Variants in MAMLD1 observed in about 807,000 individuals in gnomAD.
MAMLD1 encodes mastermind-like domain-containing protein 1.
MAMLD1 carries 14 observed loss-of-function variants against 45.0 expected under a neutral mutation model. That is an observed-to-expected ratio of 0.31 (90% CI 0.21 to 0.49). The LOEUF is 0.49. Among genes scored for constraint, MAMLD1 ranks in the 20% least tolerant of loss-of-function variants. The pLI, the probability that MAMLD1 is intolerant of heterozygous loss-of-function variation, is 0.99. For synonymous variants in MAMLD1, 254 were observed against 247.8 expected, an observed-to-expected ratio of 1.02 and a Z score of -0.24; for missense variants, 543 against 603.6, an observed-to-expected ratio of 0.90 and a Z score of 1.05.
At chrX:150,420,842 G>T (rs2034472691) in intron 1 of MAMLD1, among the ~76,000 whole-genome samples, 1 of 112,240 alleles carries the variant, frequency 8.9e-6, no homozygotes, top group Admixed American at 9.4e-5. Flanking sequence ...TCTCTTCAAA[G>T]CTGTCAGACA....
At chrX:150,392,892 C>A (rs1178856283) in intron 1 of MAMLD1, among the ~76,000 whole-genome samples, 2 of 110,700 alleles carry the variant, frequency 1.8e-5, no homozygotes, top group Non-Finnish European at 3.8e-5. Context: ...CCCCCTCCCC[C>A]ATTACCTGCA....
At chrX:150,442,239 A>G (rs1031853451) in intron 1 of MAMLD1, among the ~76,000 whole-genome samples, 1 of 111,001 alleles carries the variant, frequency 9.0e-6, no homozygotes, top group Non-Finnish European at 1.9e-5. Context: ...TTCTTTGCCA[A>G]TCTCTGTCTT....
chrX:150,483,992 A>G (rs1198071305), intron 5 of MAMLD1, among the ~76,000 whole-genome samples: 2 of 112,435 alleles, frequency 1.8e-5, no homozygotes, highest in East Asian at 5.5e-4. Flanking sequence ...GATTTTGGTC[A>G]GTTCTGAGAG....
intron 1 of MAMLD1, among the ~76,000 whole-genome samples, chrX:150,364,581 G>C (rs1557400637): frequency 8.9e-6 from 1 of 112,058 alleles, no homozygotes. Flanking sequence ...TGGGGAGAAG[G>C]GGCTGCTTTT....
At chrX:150,496,873 G>T (rs1280399099) in intron 5 of MAMLD1, among the ~76,000 whole-genome samples, 2 of 112,620 alleles carry the variant, frequency 1.8e-5, no homozygotes, top group Non-Finnish European at 3.7e-5. Context: ...TGAGGTAACT[G>T]CCCAGGGGAT....
At chrX:150,441,776 T>C in intron 1 of MAMLD1, among the ~76,000 whole-genome samples, 1 of 111,702 alleles carries the variant, frequency 9.0e-6, no homozygotes, top group East Asian at 2.8e-4. Context: ...GGTGGAGCAA[T>C]CTATACATTT....
At chrX:150,446,858 A>C (rs782742504) in intron 2 of MAMLD1, among the ~76,000 whole-genome samples, 1 of 112,973 alleles carries the variant, frequency 8.9e-6, no homozygotes, top group South Asian at 3.6e-4. Flanking sequence ...ATGCTCCCAG[A>C]GTCCGTGATC....
chrX:150,481,960 AGAAAAAAGAAAGAAAG>A lies in MAMLD1; in HGVS notation c.2040+8159_2040+8174del, dbSNP rs1248617514. 7.3e-3 allele frequency among the ~76,000 whole-genome samples: 680 copies of A among 92,789 alleles called. 10 individuals carry two copies. Among genetic ancestry groups the A allele is most frequent in the African/African-American group, 0.026 (654 of 24,993 alleles). The allele number at this position is 92,789 out of a possible 115,157, so 80.6% of individuals were successfully genotyped here. A position where few individuals can be genotyped will look rare whatever the true frequency, so the allele number is the denominator to read the frequency against. On this transcript the variant is annotated intron_variant, in intron 5 of 7. Coordinates refer to ENST00000370401, the MANE Select transcript of MAMLD1 (RefSeq NM_005491.5). The stretch of plus-strand genomic sequence containing the variant: ...AAAGAAAGAAAAAAGAAAGAAAGAA[AGAAAAAAGAAAGAAAG>A]AAAGAAAGAAAGAAAGAAAGAAAGA...
At chrX:150,389,406 G>A (rs1270252581) in intron 1 of MAMLD1, among the ~76,000 whole-genome samples, 1 of 111,606 alleles carries the variant, frequency 9.0e-6, no homozygotes, top group African/African-American at 3.3e-5. Flanking sequence ...GGTTTATTAC[G>A]AAGTGTGTTG....
At chrX:150,386,361 G>C (rs912613793) in intron 1 of MAMLD1, among the ~76,000 whole-genome samples, 2 of 111,345 alleles carry the variant, frequency 1.8e-5, no homozygotes, top group East Asian at 2.8e-4. Context: ...ACAGTAACCT[G>C]TGTGGTGAGT....
At chrX:150,492,191 C>G (rs73250538) in intron 5 of MAMLD1, among the ~76,000 whole-genome samples, 1,887 of 112,660 alleles carry the variant, frequency 0.017, 18 homozygotes, top group Non-Finnish European at 0.025. Context: ...ATGTGGGCTT[C>G]CATAAGCCTC....
intron 1 of MAMLD1, among the ~76,000 whole-genome samples, chrX:150,404,046 G>GAGGGA: frequency 1.1e-5 from 1 of 87,286 alleles, no homozygotes; most frequent in Non-Finnish European, 2.1e-5. Flanking sequence ...AGGAAGGAAG[G>GAGGGA]AAGGAAAGGA....
chrX:150,421,332 G>C (rs911263324), intron 1 of MAMLD1, among the ~76,000 whole-genome samples: 2 of 112,443 alleles, frequency 1.8e-5, no homozygotes, highest in Admixed American at 1.9e-4. Context: ...TGCACCCATT[G>C]TCTGGCACTC....
At chrX:150,387,826 G>A (rs1160809036) in intron 1 of MAMLD1, among the ~76,000 whole-genome samples, 2 of 111,112 alleles carry the variant, frequency 1.8e-5, no homozygotes, top group Non-Finnish European at 3.8e-5. Context: ...TTAATATTGT[G>A]GATAACATGG....
At position 150,470,026 on chromosome X, in the gene MAMLD1, A is replaced by G; in HGVS notation, c.453A>G (p.Thr151=). The change falls in exon 4 of 8, where the codon ACA becomes ACG. Residue 151 remains threonine, a synonymous_variant. Coordinates refer to ENST00000370401, the MANE Select transcript of MAMLD1 (RefSeq NM_005491.5). ...CACCATTTGTAGTACCACAGACTAC[A>G]GAAGTGGGACTGAAAGGGCCCACTG... ...MGSPFVVPQT[T]EVGLKGPTVP... is the part of the protein sequence containing the mutation. 8.3e-7 allele frequency: 1 copy of G among 1,212,006 alleles called. No homozygotes were observed. The highest frequency in any genetic ancestry group is 1.8e-5 in the South Asian group (1 of 56,996).
Position 150,417,262 on chromosome X carries a change from T to C in MAMLD1, c.-63-28192T>C, listed in dbSNP as rs1557402499. On this transcript the variant is annotated intron_variant, in intron 1 of 7. Transcript: ENST00000370401. ...CCTATGAGTGAGAATATGCAGTGTTTGGTTTTTTGTTCTTGTGATAGTTTA... is the reference window on the plus strand; with the variant it reads ...CCTATGAGTGAGAATATGCAGTGTTCGGTTTTTTGTTCTTGTGATAGTTTA... 4.6e-5 allele frequency among the ~76,000 whole-genome samples: 5 copies of C among 107,652 alleles called. No homozygotes were observed. In the East Asian group the frequency reaches 1.5e-3, roughly 31 times the overall value. 93.5% of individuals were successfully genotyped at this position (107,652 alleles called of 115,157 possible). A position where few individuals can be genotyped will look rare whatever the true frequency, so the allele number is the denominator to read the frequency against.
At chrX:150,414,501 G>A (rs992278434) in intron 1 of MAMLD1, among the ~76,000 whole-genome samples, 36 of 111,338 alleles carry the variant, frequency 3.2e-4, no homozygotes, top group African/African-American at 1.2e-3. Flanking sequence ...AAGTCCCAGG[G>A]CTGCCTCCCG....
intron 1 of MAMLD1, among the ~76,000 whole-genome samples, chrX:150,369,610 T>C (rs1336957113): frequency 1.8e-5 from 2 of 112,549 alleles, no homozygotes; most frequent in African/African-American, 3.2e-5. Flanking sequence ...CCAGTACTCC[T>C]ATTGATGGCA....
chrX:150,434,211 CAG>C (rs1362460214), intron 1 of MAMLD1, among the ~76,000 whole-genome samples: 1 of 110,065 alleles, frequency 9.1e-6, no homozygotes, highest in African/African-American at 3.3e-5. Flanking sequence ...GGTGTAGTCT[CAG>C]GGGATTTTTT....
Sources: allele counts gnomAD v4.1 joint callset (sites outside exome capture counted in the v4.1 genomes callset), GRCh38; gene constraint gnomAD v4.1.1; transcripts MANE v1.5; gene names NCBI Gene and HGNC (gene_info 2026-07-23, HGNC 2026-07-21).